Variants in NBDY observed in about 807,000 individuals in gnomAD.
The protein encoded by NBDY is P-body dissociating protein.
At position 56,803,055 on chromosome X, in the gene NBDY, C is replaced by A. The variant is rs141983981; in HGVS notation, c.*167-14265C>A. ...GAGCCATAGTGCCATCGAGCGGAAT[C>A]TGTTTCTGGAAACTGGAGGCAGCTG... On this transcript the variant is annotated intron_variant, in intron 2 of 2. Transcript: ENST00000374922. Among the ~76,000 whole-genome samples the A allele has an allele frequency of 8.1e-4, 91 of 111,930 alleles. No individual in the cohort carries two copies. The East Asian group carries it at 9.0e-3, about 11-fold the overall frequency.
intron 2 of NBDY, among the ~76,000 whole-genome samples, chrX:56,781,290 T>C (rs959639238): frequency 1.8e-5 from 2 of 111,940 alleles, no homozygotes; most frequent in Admixed American, 1.9e-4. Flanking sequence ...GAGGTAGTTG[T>C]TAAGCTTTCA....
intron 2 of NBDY, among the ~76,000 whole-genome samples, chrX:56,801,616 T>TA (rs1315005123): frequency 9.0e-6 from 1 of 111,403 alleles, no homozygotes; most frequent in Admixed American, 9.5e-5. Context: ...ACCCACCCCT[T>TA]AACCTGTTCC....
In NBDY at chrX:56,819,048, T is replaced by C. The variant is rs1017615267; in HGVS notation, c.*1895T>C. The C allele has an allele frequency of 2.9e-5, 3 of 102,138 alleles. No individual in the cohort carries two copies. The highest frequency in any genetic ancestry group is 6.0e-5 in the Non-Finnish European group (3 of 49,818). 8.4% of individuals were successfully genotyped at this position (102,138 alleles called of 1,213,427 possible). The stretch of plus-strand genomic sequence containing the variant: ...CCTCATGCAAAATACAAAAATTAAC[T>C]CAAAATAGGCCAAAGACTCAAATAT... On this transcript the variant is annotated 3_prime_UTR_variant, in exon 3 of 3. Coordinates refer to ENST00000374922, the MANE Select transcript of NBDY (RefSeq NM_001348129.2).
chrX:56,741,930 T>C (rs748438861), intron 2 of NBDY, among the ~76,000 whole-genome samples: 1 of 111,697 alleles, frequency 9.0e-6, no homozygotes, highest in South Asian at 3.7e-4. Context: ...TGGAGATTTT[T>C]CCCATATTTT....
intron 2 of NBDY, among the ~76,000 whole-genome samples, chrX:56,806,512 G>C (rs779574516): frequency 3.7e-4 from 41 of 112,012 alleles, no homozygotes; most frequent in African/African-American, 1.3e-3. Context: ...GATCACCATT[G>C]TAACGGGCAT....
intron 2 of NBDY, among the ~76,000 whole-genome samples, chrX:56,782,609 C>T (rs1233083503): frequency 8.9e-6 from 1 of 112,212 alleles, no homozygotes; most frequent in African/African-American, 3.2e-5. Context: ...GTGAACAGAT[C>T]CTTTACCCAG....
chrX:56,749,441 A>G (rs181993609), intron 2 of NBDY, among the ~76,000 whole-genome samples: 1 of 111,337 alleles, frequency 9.0e-6, no homozygotes, highest in Admixed American at 9.5e-5. Context: ...TCCAAGGTAA[A>G]AACCTTTGTT....
chrX:56,785,892 A>G (rs1362446274), intron 2 of NBDY, among the ~76,000 whole-genome samples: 2 of 110,147 alleles, frequency 1.8e-5, no homozygotes, highest in Non-Finnish European at 3.8e-5. Flanking sequence ...CATTTTGTCC[A>G]CTTCTGTTTG....
chrX:56,805,241 C>A (rs780847437), intron 2 of NBDY, among the ~76,000 whole-genome samples: 4 of 112,624 alleles, frequency 3.6e-5, no homozygotes, highest in African/African-American at 6.5e-5. Flanking sequence ...AAGGAAAATG[C>A]AAGAAGAAAG....
chrX:56,752,067 G>T (rs1017000463), intron 2 of NBDY, among the ~76,000 whole-genome samples: 1 of 112,233 alleles, frequency 8.9e-6, no homozygotes, highest in South Asian at 3.7e-4. Flanking sequence ...GTATTCCATG[G>T]TGTACATGAA....
chrX:56,788,387 G>A (rs760169995), intron 2 of NBDY, among the ~76,000 whole-genome samples: 1 of 113,055 alleles, frequency 8.8e-6, no homozygotes, highest in African/African-American at 3.2e-5. Flanking sequence ...CAAGTGCTGG[G>A]GAAAGCCCAG....
chrX:56,761,449 T>C (rs1229769665), intron 2 of NBDY, among the ~76,000 whole-genome samples: 1 of 113,269 alleles, frequency 8.8e-6, no homozygotes, highest in Non-Finnish European at 1.9e-5. Flanking sequence ...GCACATGCAG[T>C]GCAGACCTGG....
intron 2 of NBDY, among the ~76,000 whole-genome samples, chrX:56,766,161 G>T (rs1170424519): frequency 2.7e-5 from 3 of 112,369 alleles, no homozygotes; most frequent in Non-Finnish European, 5.6e-5. Context: ...GTAATCCTGA[G>T]CCAGTAGGAG....
chrX:56,796,217 A>G (rs2069791130), intron 2 of NBDY, among the ~76,000 whole-genome samples: 1 of 111,826 alleles, frequency 8.9e-6, no homozygotes, highest in Non-Finnish European at 1.9e-5. Flanking sequence ...CTCTGTGCGG[A>G]TGTGGTGGAG....
chrX:56,766,763 T>G (rs1176981309), intron 2 of NBDY, among the ~76,000 whole-genome samples: 1 of 111,661 alleles, frequency 9.0e-6, no homozygotes, highest in Non-Finnish European at 1.9e-5. Flanking sequence ...GCATCCTGGG[T>G]CAAGCTGCTT....
chrX:56,755,962 T>C (rs1456711901), intron 2 of NBDY, among the ~76,000 whole-genome samples: 2 of 104,595 alleles, frequency 1.9e-5, no homozygotes, highest in Non-Finnish European at 3.9e-5. Context: ...TATGCAGCCA[T>C]AAAAAATGAT....
intron 2 of NBDY, among the ~76,000 whole-genome samples, chrX:56,745,819 T>C (rs1171996931): frequency 1.5e-5 from 1 of 67,106 alleles, no homozygotes; most frequent in Non-Finnish European, 3.1e-5. Flanking sequence ...GTATGAAATG[T>C]GTCTGATTGT....
intron 2 of NBDY, among the ~76,000 whole-genome samples, chrX:56,784,642 G>T (rs778315194): frequency 3.1e-4 from 35 of 111,614 alleles, no homozygotes; most frequent in Non-Finnish European, 5.5e-4. Context: ...GGAAGTAGAG[G>T]TGGATCCTGG....
intron 2 of NBDY, among the ~76,000 whole-genome samples, chrX:56,757,579 C>G (rs930704772): frequency 3.6e-5 from 4 of 111,649 alleles, no homozygotes; most frequent in African/African-American, 1.3e-4. Flanking sequence ...AGGGCTCCCC[C>G]CACTTGACCA....
Sources: allele counts gnomAD v4.1 joint callset (sites outside exome capture counted in the v4.1 genomes callset), GRCh38; gene constraint gnomAD v4.1.1; transcripts MANE v1.5; gene names NCBI Gene and HGNC (gene_info 2026-07-23, HGNC 2026-07-21).